The following NEDD4 variants were observed in gnomAD, a reference collection of about 807,000 sequenced individuals.
The protein encoded by NEDD4 is E3 ubiquitin-protein ligase NEDD4.
Under a neutral mutation model 144.9 loss-of-function variants are expected in NEDD4, and 99 were observed. The observed-to-expected ratio is 0.68, with a 90% CI of 0.58 to 0.81. The LOEUF is 0.81. Among genes scored for constraint, NEDD4 ranks in the 30% least tolerant of loss-of-function variants. The pLI is 0.00. For synonymous variants in NEDD4, 318 were observed against 350.6 expected (o/e 0.91, Z 1.04); for missense variants, 985 against 1,065.9 (o/e 0.92, Z 1.06).
intron 3 of NEDD4, 47 bp from the exon 4 acceptor site, chr15:55,951,461 A>T (rs1423030032): frequency 7.2e-7 from 1 of 1,383,514 alleles, no homozygotes; most frequent in Non-Finnish European, 9.8e-7. Flanking sequence ...TTTGTCTTAT[A>T]AAAATAAAAC....
At chr15:55,835,420 G>GTTTTT (rs56792157) in intron 24 of NEDD4, among the ~76,000 whole-genome samples, 2 of 108,350 alleles carry the variant, frequency 1.8e-5, no homozygotes, top group African/African-American at 3.5e-5. Context: ...CTCCTGTTCT[G>GTTTTT]TTTTTTTTTT....
chr15:55,975,994 C>G (rs1443580432), intron 1 of NEDD4, among the ~76,000 whole-genome samples: 2 of 152,146 alleles, frequency 1.3e-5, no homozygotes, highest in African/African-American at 4.8e-5. Context: ...TAGTGAACTC[C>G]TTTTTGACAA....
chr15:55,982,817 A>T (rs1382595449), intron 1 of NEDD4, among the ~76,000 whole-genome samples: 1 of 152,172 alleles, frequency 6.6e-6, no homozygotes, highest in Non-Finnish European at 1.5e-5. Flanking sequence ...ATTCCAACAA[A>T]CAGTCAGTAA....
chr15:55,905,513 G>A (rs1335165903), intron 5 of NEDD4, among the ~76,000 whole-genome samples: 2 of 152,090 alleles, frequency 1.3e-5, no homozygotes, highest in African/African-American at 2.4e-5. Context: ...AATAACAACA[G>A]CAAAGGGACC....
At chr15:55,958,867 C>T (rs907129797) in intron 2 of NEDD4, among the ~76,000 whole-genome samples, 2 of 149,000 alleles carry the variant, frequency 1.3e-5, no homozygotes, top group African/African-American at 4.9e-5. Flanking sequence ...TAGCAATGCC[C>T]CAGTTTTCAT....
chr15:55,961,339 A>C (rs1566970043), intron 2 of NEDD4, among the ~76,000 whole-genome samples: 2 of 152,226 alleles, frequency 1.3e-5, no homozygotes, highest in South Asian at 4.1e-4. Context: ...AAAAGTAGAA[A>C]AAAAAATACA....
intron 18 of NEDD4, among the ~76,000 whole-genome samples, chr15:55,846,022 A>C (rs1184202444): frequency 6.6e-6 from 1 of 151,984 alleles, no homozygotes; most frequent in Non-Finnish European, 1.5e-5. Flanking sequence ...CCTGACCTCA[A>C]GTGATCCACC....
At chr15:55,989,237 A>G (rs1186892851) in intron 1 of NEDD4, among the ~76,000 whole-genome samples, 1 of 152,228 alleles carries the variant, frequency 6.6e-6, no homozygotes, top group Non-Finnish European at 1.5e-5. Context: ...CTCCGTCTCA[A>G]AAGTAAATAC....
chr15:55,957,304 A>G (rs1241402687), intron 2 of NEDD4, among the ~76,000 whole-genome samples: 2 of 152,072 alleles, frequency 1.3e-5, no homozygotes, highest in African/African-American at 4.8e-5. Context: ...GCCATACTAC[A>G]TGGCTAAAAT....
chr15:55,864,134 G>A (rs1423500481), intron 8 of NEDD4, among the ~76,000 whole-genome samples: 1 of 152,154 alleles, frequency 6.6e-6, no homozygotes, highest in African/African-American at 2.4e-5. Context: ...GCTTTTATAT[G>A]AGAAACCTCA....
chr15:55,957,220 C>T (rs999831365), intron 2 of NEDD4, among the ~76,000 whole-genome samples: 4 of 152,142 alleles, frequency 2.6e-5, no homozygotes, highest in African/African-American at 7.2e-5. Flanking sequence ...GGGCTTTCTA[C>T]GTACAAACCA....
intron 1 of NEDD4, among the ~76,000 whole-genome samples, chr15:55,992,515 C>T (rs1457892774): frequency 6.6e-6 from 1 of 152,168 alleles, no homozygotes. Context: ...AACTGGGTCT[C>T]ATCTTGATAA....
At chr15:55,893,727 C>A (rs2142130185) in intron 5 of NEDD4, among the ~76,000 whole-genome samples, 1 of 149,866 alleles carries the variant, frequency 6.7e-6, no homozygotes, top group Non-Finnish European at 1.5e-5. Flanking sequence ...TTTCTGCTTG[C>A]TGAATATAAT....
chr15:55,957,438 C>T (rs190189343), intron 2 of NEDD4, among the ~76,000 whole-genome samples: 6 of 152,280 alleles, frequency 3.9e-5, no homozygotes. Context: ...TTCATAGATA[C>T]CCCTGATGAG....
At chr15:55,832,116 C>T (rs2032978249) in intron 27 of NEDD4, among the ~76,000 whole-genome samples, 1 of 151,290 alleles carries the variant, frequency 6.6e-6, no homozygotes, top group Non-Finnish European at 1.5e-5. Flanking sequence ...GTAGTCTTCC[C>T]AGTCCTGCTG....
At chr15:55,909,298 C>A (rs759756445) in intron 5 of NEDD4, among the ~76,000 whole-genome samples, 2 of 152,164 alleles carry the variant, frequency 1.3e-5, no homozygotes, top group Non-Finnish European at 2.9e-5. Context: ...CCCAACAGTT[C>A]GCTTCAATCT....
At chr15:55,992,899 A>G (rs2038010585) in intron 1 of NEDD4, among the ~76,000 whole-genome samples, 2 of 152,238 alleles carry the variant, frequency 1.3e-5, no homozygotes, top group South Asian at 4.1e-4. Context: ...CCGGTGAAAT[A>G]AAGCATGAAC....
chr15:55,946,143 C>A, intron 4 of NEDD4, among the ~76,000 whole-genome samples: 1 of 152,182 alleles, frequency 6.6e-6, no homozygotes, highest in African/African-American at 2.4e-5. Context: ...GGATCAAATT[C>A]ACACATAACA....
At chr15:55,942,087 A>G (rs1289809871) in intron 4 of NEDD4, among the ~76,000 whole-genome samples, 1 of 151,076 alleles carries the variant, frequency 6.6e-6, no homozygotes. Context: ...TAGTTGTTGT[A>G]TCAGTTACTA....
Sources: gnomAD v4.1 joint callset for allele counts (sites outside exome capture counted in the v4.1 genomes callset) on GRCh38, gnomAD v4.1.1 for gene constraint, MANE v1.5 for transcripts, NCBI Gene and HGNC (gene_info 2026-07-23, HGNC 2026-07-21) for gene names.